Variants in POR observed in about 807,000 individuals in gnomAD.
POR encodes the protein NADPH--cytochrome P450 reductase.
Under a neutral mutation model 84.0 loss-of-function variants are expected in POR, and 56 were observed. The ratio of observed to expected loss-of-function variants is 0.67; its 90% CI spans 0.54 to 0.83. The LOEUF is 0.83. Ranked by LOEUF, POR falls within the 40% of genes least tolerant of loss-of-function variation. The pLI is 0.00. For missense variants in POR, 938 were observed against 944.3 expected (o/e 0.99, Z 0.09); for synonymous variants, 414 against 400.5 (o/e 1.03, Z -0.40).
chr7:75,948,352 CG>C (rs1787269079), intron 1 of POR, among the ~76,000 whole-genome samples: 2 of 152,150 alleles, frequency 1.3e-5, no homozygotes, highest in Non-Finnish European at 2.9e-5. Flanking sequence ...GTGTGCTGGT[CG>C]GGGCTGGGGG....
At chr7:75,974,463 A>T (rs1788581785) in intron 3 of POR, among the ~76,000 whole-genome samples, 2 of 148,820 alleles carry the variant, frequency 1.3e-5, no homozygotes. Flanking sequence ...TATGAATGAG[A>T]TTCAGTAGAT....
intron 1 of POR, among the ~76,000 whole-genome samples, chr7:75,924,940 G>T (rs905001745): frequency 6.6e-6 from 1 of 152,098 alleles, no homozygotes; most frequent in Non-Finnish European, 1.5e-5. Flanking sequence ...TTGAACCAAG[G>T]TCTGTTGGTC....
At chr7:75,967,105 G>A (rs1788218598) in intron 2 of POR, among the ~76,000 whole-genome samples, 1 of 152,156 alleles carries the variant, frequency 6.6e-6, no homozygotes, top group Non-Finnish European at 1.5e-5. Context: ...CTCCCAAGTA[G>A]CTGGGATCAC....
At chr7:75,918,421 C>T (rs886066759) in intron 1 of POR, among the ~76,000 whole-genome samples, 2 of 152,294 alleles carry the variant, frequency 1.3e-5, no homozygotes, top group South Asian at 4.1e-4. Context: ...TCAGAGGTCA[C>T]TTACCTGCTT....
intron 1 of POR, 68 bp from the exon 2 acceptor site, chr7:75,953,921 C>T: frequency 1.5e-6 from 2 of 1,302,708 alleles, no homozygotes; most frequent in Non-Finnish European, 2.1e-6. Flanking sequence ...TTTAGGTGGG[C>T]ACCCCAGCCA....
At chr7:75,916,833 G>C (rs11763219) in intron 1 of POR, among the ~76,000 whole-genome samples, 1 of 151,692 alleles carries the variant, frequency 6.6e-6, no homozygotes, top group African/African-American at 2.4e-5. Flanking sequence ...GGTAGTAGGA[G>C]TTTATAAATG....
At chr7:75,926,710 C>T (rs577119845) in intron 1 of POR, among the ~76,000 whole-genome samples, 1 of 152,292 alleles carries the variant, frequency 6.6e-6, no homozygotes, top group South Asian at 2.1e-4. Context: ...AGGAGAATCG[C>T]TTGAACCCGG....
intron 1 of POR, among the ~76,000 whole-genome samples, chr7:75,948,236 C>A: frequency 6.6e-6 from 1 of 152,218 alleles, no homozygotes; most frequent in East Asian, 1.9e-4. Context: ...TGGGTCCTTC[C>A]CACCGCACCT....
At chr7:75,980,742 A>G (rs1554557660) in intron 5 of POR, 10 of 1,479,714 alleles carry the variant, frequency 6.8e-6, no homozygotes, top group Admixed American at 2.1e-5. Context: ...GTCTGGCTGG[A>G]CGACTGAGAC....
rs373201804 is a variant in POR at position 75,980,519 on chromosome 7, C to T, written c.516+31C>T. 3.9e-5 allele frequency: 63 copies of T among 1,612,456 alleles called. No individual in the cohort carries two copies. The African/African-American group carries it at 6.0e-4, about 15-fold the overall frequency. ...TCACCCAGAGACTGCTATGGGCTCC[C>T]GGTGGCCTGCGGTGCCTCCCTGGGG... On this transcript the variant is annotated intron_variant, in intron 5 of 15. Coordinates refer to ENST00000461988, the MANE Select transcript of POR (RefSeq NM_000941.3).
chr7:75,962,644 C>T (rs1787990352), intron 2 of POR, among the ~76,000 whole-genome samples: 1 of 152,106 alleles, frequency 6.6e-6, no homozygotes. Context: ...GTTCATGAGT[C>T]TTGACAGATG....
chr7:75,976,181 G>T (rs1231079912), intron 3 of POR, among the ~76,000 whole-genome samples: 3 of 151,972 alleles, frequency 2.0e-5, no homozygotes, highest in Admixed American at 2.0e-4. Context: ...GTCATCTTTT[G>T]TTCTCTTAAC....
chr7:75,927,896 C>T (rs1200419344), intron 1 of POR, among the ~76,000 whole-genome samples: 1 of 150,730 alleles, frequency 6.6e-6, no homozygotes, highest in Non-Finnish European at 1.5e-5. Flanking sequence ...GTCTCGAACT[C>T]CTGACCTCAA....
chr7:75,969,991 G>A (rs1224075845), intron 2 of POR, among the ~76,000 whole-genome samples: 4 of 152,308 alleles, frequency 2.6e-5, no homozygotes, highest in East Asian at 1.9e-4. Context: ...GCCTCTGGGA[G>A]AGGAAAGTTA....
intron 3 of POR, among the ~76,000 whole-genome samples, chr7:75,975,697 C>G (rs1465093940): frequency 1.3e-5 from 2 of 151,672 alleles, no homozygotes; most frequent in African/African-American, 4.8e-5. Flanking sequence ...TTCACCCACA[C>G]TGTAGCATAT....
Position 75,983,634 on chromosome 7 carries a change from C to T in POR, c.945C>T (p.Ile315=), listed in dbSNP as rs782685425. The change falls in exon 9 of 16, where the codon ATC becomes ATT. Residue 315 remains isoleucine, a splice_region_variant and synonymous_variant. Coordinates refer to ENST00000461988, the MANE Select transcript of POR (RefSeq NM_000941.3). ...AATTGGACATCTCGGACTCCAAAAT[C>T]AGGTACCAGCTGCCACTGTCACCCC... is the stretch of plus-strand genomic sequence containing the variant. 4.3e-6 allele frequency: 7 copies of T among 1,612,278 alleles called. No homozygotes were observed. In the Admixed American group the frequency reaches 8.3e-5, roughly 19 times the overall value.
intron 1 of POR, among the ~76,000 whole-genome samples, chr7:75,941,535 G>T (rs1276931178): frequency 1.3e-5 from 2 of 152,160 alleles, no homozygotes; most frequent in Non-Finnish European, 2.9e-5. Flanking sequence ...GTAACTAGGT[G>T]CACTTCAGTT....
intron 3 of POR, among the ~76,000 whole-genome samples, chr7:75,974,159 C>G (rs1788567037): frequency 6.6e-6 from 1 of 152,156 alleles, no homozygotes; most frequent in African/African-American, 2.4e-5. Context: ...GCTGTTGCTA[C>G]TCTTTGGCTC....
At position 75,986,023 on chromosome 7, in the gene POR, G is replaced by C. The variant is rs1425741371; in HGVS notation, c.1770G>C (p.Ala590=). The change falls in exon 14 of 16, where the codon GCG becomes GCC. Residue 590 remains alanine, a synonymous_variant. Transcript: ENST00000461988. ...TGGCGCAGTTCCACAGGGACGGTGC[G>C]CTCACCCAGCTCAACGTGGCCTTCT... 1.9e-6 allele frequency: 3 copies of C among 1,561,696 alleles called. No individual in the cohort carries two copies. The highest frequency in any genetic ancestry group is 1.4e-5 in the African/African-American group (1 of 73,670).
Sources: gnomAD v4.1 joint callset for allele counts (sites outside exome capture counted in the v4.1 genomes callset) on GRCh38, gnomAD v4.1.1 for gene constraint, MANE v1.5 for transcripts, NCBI Gene and HGNC (gene_info 2026-07-23, HGNC 2026-07-21) for gene names.